The following CCDC69 variants were observed in gnomAD, a reference collection of about 807,000 sequenced individuals.
The protein encoded by CCDC69 is coiled-coil domain containing 69, also known as coiled-coil domain-containing protein 69.
CCDC69 carries 38 observed loss-of-function variants against 40.3 expected under a neutral mutation model. The ratio of observed to expected loss-of-function variants is 0.94; its 90% CI spans 0.73 to 1.24. The LOEUF (loss-of-function observed/expected upper bound fraction) is 1.24, where lower values mean the gene tolerates loss of function less well. Ranked by LOEUF, CCDC69 falls within the 50% of genes most tolerant of loss-of-function variation. The probability of loss-of-function intolerance (pLI) is 0.00; values close to 1 mark genes in which losing one functional copy is unlikely to be tolerated. For missense variants in CCDC69, 389 were observed against 357.9 expected (o/e 1.09, Z -0.70); for synonymous variants, 141 against 138.9 (o/e 1.02, Z -0.11).
At chr5:151,212,595 T>C (rs1255030220) in intron 1 of CCDC69, among the ~76,000 whole-genome samples, 1 of 152,170 alleles carries the variant, frequency 6.6e-6, no homozygotes, top group African/African-American at 2.4e-5. Context: ...TAGAGTATAC[T>C]CTCATTTTAG....
intron 4 of CCDC69, among the ~76,000 whole-genome samples, chr5:151,196,704 C>CA (rs35947268): frequency 0.11 from 17,302 of 152,246 alleles, 1,069 homozygotes; most frequent in Middle Eastern, 0.19. Context: ...AGGATAGCAA[C>CA]AGGTGTTGCA....
chr5:151,186,086 GA>G lies in CCDC69; in HGVS notation c.431del (p.Phe144SerfsTer5). 6.2e-7 allele frequency: 1 copy of G among 1,614,034 alleles called. No homozygotes were observed. The highest frequency in any genetic ancestry group is 8.5e-7 in the Non-Finnish European group (1 of 1,179,962). ...CCTCCACCCTCTTCATTTTGGCCTG[GA>G]AAGCCTCCAGCTGTGAGGTCAGTCT... Reference protein sequence around the residue: ...IDRLTSQLEAFQAKMKRVEES... With the variant: ...IDRLTSQLEAXQAKMKRVEES... On this transcript the variant is annotated frameshift_variant, in exon 6 of 9. Coordinates refer to ENST00000355417, the MANE Select transcript of CCDC69 (RefSeq NM_015621.3). LOFTEE classifies it high-confidence loss of function.
At position 151,183,898 on chromosome 5, in the gene CCDC69, T is replaced by C. The variant is rs1168640134; in HGVS notation, c.714-284A>G. 5.9e-5 allele frequency among the ~76,000 whole-genome samples: 9 copies of C among 152,222 alleles called. No individual in the cohort carries two copies. In the East Asian group the frequency reaches 1.5e-3, roughly 26 times the overall value. On this transcript the variant is annotated intron_variant, in intron 8 of 8. Transcript: ENST00000355417. ...TTCTTCTTAAATTTCAGTCTTCTCA[T>C]TTGTAAAATGGGAAGAAGAAGAATA... is the stretch of plus-strand genomic sequence containing the variant.
intron 1 of CCDC69, among the ~76,000 whole-genome samples, chr5:151,220,798 C>A (rs938498475): frequency 4.2e-4 from 64 of 152,210 alleles, no homozygotes; most frequent in Middle Eastern, 6.8e-3. Context: ...CCCCACCCCC[C>A]CTCCGCTTCC....
At chr5:151,187,295 A>G (rs942434406) in intron 5 of CCDC69, 91 bp downstream of exon 5, 2 of 1,097,406 alleles carry the variant, frequency 1.8e-6, no homozygotes, top group Non-Finnish European at 2.8e-6. Flanking sequence ...GGCACACGTA[A>G]TCAGTTTTGG....
At chr5:151,223,282 G>C (rs1753160800) in intron 1 of CCDC69, among the ~76,000 whole-genome samples, 1 of 152,196 alleles carries the variant, frequency 6.6e-6, no homozygotes, top group African/African-American at 2.4e-5. Flanking sequence ...GCCACAGAAC[G>C]CAGTAGATCT....
At chr5:151,214,274 A>G (rs1423123971) in intron 1 of CCDC69, among the ~76,000 whole-genome samples, 2 of 152,216 alleles carry the variant, frequency 1.3e-5, no homozygotes, top group African/African-American at 4.8e-5. Context: ...CTGGGATCTA[A>G]GTAACCACAG....
At chr5:151,203,791 A>C (rs1331503645) in intron 2 of CCDC69, among the ~76,000 whole-genome samples, 1 of 137,256 alleles carries the variant, frequency 7.3e-6, no homozygotes, top group Non-Finnish European at 1.5e-5. Flanking sequence ...TAAATAAAAT[A>C]TATATAGTAT....
rs760003005 is a variant in CCDC69 at position 151,201,631 on chromosome 5, G to T, written c.182C>A (p.Thr61Asn). The change falls in exon 3 of 9, where the codon ACC (threonine) becomes AAC (asparagine). Residue 61 changes from threonine to asparagine, a missense_variant. Coordinates refer to ENST00000355417, the MANE Select transcript of CCDC69 (RefSeq NM_015621.3). Reference protein sequence around the residue: ...EEAERHQKDITRILQQHEEEK... With the variant: ...EEAERHQKDINRILQQHEEEK... ...CTCCTCATGTTGCTGGAGAATTCTG[G>T]TTATATCCTTCTGGTGCCGCTCAGC... 17 of 1,613,468 alleles carry T rather than the reference G, an allele frequency of 1.1e-5. No individual in the cohort carries two copies. The highest frequency in any genetic ancestry group is 2.7e-5 in the African/African-American group (2 of 74,854).
rs757993279 is a variant in CCDC69 at position 151,223,929 on chromosome 5, CG to C, written c.41del (p.Pro14ArgfsTer21). The C allele has an allele frequency of 6.3e-7, 1 of 1,583,240 alleles. No homozygotes were observed. Among genetic ancestry groups the C allele is most frequent in the East Asian group, 2.5e-5 (1 of 39,324 alleles). On this transcript the variant is annotated frameshift_variant, in exon 1 of 9. Transcript: ENST00000355417. LOFTEE classifies it high-confidence loss of function. ...RHSRLSSCKP[P>X]KKKRQEPEPE... ...CTCCGCCGGCGCCCTTTACCTTTTT[CG>C]GGGGTTTGCAGCTGCTCAGCCTGCT... is the stretch of plus-strand genomic sequence containing the variant.
chr5:151,185,066 A>T (rs248429), intron 7 of CCDC69: 133,481 of 164,424 alleles, frequency 0.81, 54,996 homozygotes, highest in African/African-American at 0.96. Flanking sequence ...ATAAGTTGTA[A>T]GGCACACAGG....
At chr5:151,195,870 T>C (rs187563516) in intron 4 of CCDC69, among the ~76,000 whole-genome samples, 87 of 152,276 alleles carry the variant, frequency 5.7e-4, no homozygotes, top group African/African-American at 2.0e-3. Flanking sequence ...TGTTGCAATA[T>C]GTTTCAAGAT....
In CCDC69 at chr5:151,185,419, G is replaced by C; in HGVS notation, c.615+3C>G. 1 of 1,613,780 alleles carries C rather than the reference G, an allele frequency of 6.2e-7. No individual in the cohort carries two copies. The highest frequency in any genetic ancestry group is 8.5e-7 in the Non-Finnish European group (1 of 1,179,760). Reference sequence around the variant, plus strand: ...CATCCCCCAGCCACTCCCAGTCACAGACCACTGTTTCCATGAGGATCAGCC... The same window carrying C: ...CATCCCCCAGCCACTCCCAGTCACACACCACTGTTTCCATGAGGATCAGCC... On this transcript the variant is annotated splice_donor_region_variant and intron_variant, in intron 7 of 8. Transcript: ENST00000355417.
intron 4 of CCDC69, 29 bp from the exon 5 acceptor site, chr5:151,187,488 CA>C (rs35221501): frequency 0.77 from 1,236,039 of 1,598,720 alleles, 479,860 homozygotes; most frequent in African/African-American, 0.88. Context: ...TCCATAAGCT[CA>C]AGACACTTCT....
intron 1 of CCDC69, among the ~76,000 whole-genome samples, chr5:151,217,397 G>A (rs1291917547): frequency 1.3e-5 from 2 of 152,094 alleles, no homozygotes; most frequent in Non-Finnish European, 2.9e-5. Flanking sequence ...TTGATTGCTG[G>A]CAACTTGGGG....
rs552880093 is a variant in CCDC69, at chr5:151,189,566, CA to C, written c.320-2108del. 8.2e-3 allele frequency among the ~76,000 whole-genome samples: 1,147 copies of C among 140,008 alleles called. 16 individuals carry two copies. Among genetic ancestry groups the C allele is most frequent in the African/African-American group, 0.026 (976 of 38,252 alleles). The allele number at this position is 140,008 out of a possible 152,430, so 91.9% of individuals were successfully genotyped here. On this transcript the variant is annotated intron_variant, in intron 4 of 8. Transcript: ENST00000355417. ...GAATTAGAGGAAAAAGGGTGCAGTG[CA>C]AAAAAAAAAAATTGAAGAAAGAATG...
intron 7 of CCDC69, chr5:151,185,140 C>G (rs890633005): frequency 1.7e-5 from 5 of 295,560 alleles, no homozygotes; most frequent in Admixed American, 4.8e-5. Context: ...GTTTCTGAGG[C>G]TTCTGTCCTC....
intron 7 of CCDC69, 162 bp downstream of exon 7, chr5:151,185,260 G>T: frequency 2.8e-6 from 2 of 707,674 alleles, no homozygotes; most frequent in Non-Finnish European, 4.7e-6. Flanking sequence ...ACCCAGCCTG[G>T]CCACAGACCA....
intron 1 of CCDC69, among the ~76,000 whole-genome samples, chr5:151,217,675 C>A (rs528208867): frequency 3.3e-5 from 5 of 152,314 alleles, no homozygotes; most frequent in Admixed American, 6.5e-5. Context: ...TGTGTCACTT[C>A]ATTCCCTGCT....
Sources: gnomAD v4.1 joint callset for allele counts (sites outside exome capture counted in the v4.1 genomes callset) on GRCh38, gnomAD v4.1.1 for gene constraint, MANE v1.5 for transcripts, NCBI Gene and HGNC (gene_info 2026-07-23, HGNC 2026-07-21) for gene names.